COLGALT1: variants seen among roughly 807,000 people sequenced by gnomAD.
COLGALT1 encodes collagen beta(1-O)galactosyltransferase 1, also known as procollagen galactosyltransferase 1.
A neutral mutation model predicts 60.8 loss-of-function variants in COLGALT1; 43 were observed. The ratio of observed to expected loss-of-function variants is 0.71; its 90% CI spans 0.55 to 0.91. The LOEUF (loss-of-function observed/expected upper bound fraction) is 0.91. Ranked by LOEUF, COLGALT1 falls within the 40% of genes least tolerant of loss-of-function variation. The probability of loss-of-function intolerance (pLI) is 0.00; values close to 1 mark genes in which losing one functional copy is unlikely to be tolerated. For synonymous variants in COLGALT1, 369 were observed against 374.2 expected (o/e 0.99, Z 0.16); for missense variants, 845 against 880.0 (o/e 0.96, Z 0.50).
In COLGALT1 at chr19:17,581,695, C is replaced by T. The variant is rs2076383862; in HGVS notation, c.*251C>T. On this transcript the variant is annotated 3_prime_UTR_variant, in exon 12 of 12. Coordinates refer to ENST00000252599, the MANE Select transcript of COLGALT1 (RefSeq NM_024656.4). ...CAAGCCCTCTTCATCTGTTCATGTG[C>T]CCAGCATTTATTAAGCACCTGCTGT... 1.8e-6 allele frequency: 1 copy of T among 555,620 alleles called. No homozygotes were observed. Among genetic ancestry groups the T allele is most frequent in the African/African-American group, 1.9e-5 (1 of 53,210 alleles). The allele number at this position is 555,620 out of a possible 1,614,324, so 34.4% of individuals were successfully genotyped here.
chr19:17,568,269 G>A (rs1334319767), intron 4 of COLGALT1, among the ~76,000 whole-genome samples: 1 of 152,096 alleles, frequency 6.6e-6, no homozygotes, highest in Non-Finnish European at 1.5e-5. Context: ...GCCATTGCTA[G>A]TCTCCTCTCC....
intron 4 of COLGALT1, among the ~76,000 whole-genome samples, chr19:17,568,194 G>A (rs1365351405): frequency 1.3e-5 from 2 of 152,144 alleles, no homozygotes; most frequent in Admixed American, 6.5e-5. Context: ...TCCTTTGGGT[G>A]GGTTCATTCT....
chr19:17,576,239 C>T (rs2076339594), intron 6 of COLGALT1, among the ~76,000 whole-genome samples: 1 of 152,060 alleles, frequency 6.6e-6, no homozygotes, highest in Non-Finnish European at 1.5e-5. Context: ...AGCAAGGATG[C>T]GAGCTTTGGT....
chr19:17,561,591 C>T (rs1409864354), intron 3 of COLGALT1, among the ~76,000 whole-genome samples: 1 of 144,248 alleles, frequency 6.9e-6, no homozygotes, highest in Non-Finnish European at 1.5e-5. Context: ...AAGATCACGC[C>T]ACTGCACTCC....
rs1327923904 is a variant in COLGALT1 at position 17,559,300 on chromosome 19, T to C, written c.261-11T>C. 2 of 1,548,388 alleles carry C rather than the reference T, an allele frequency of 1.3e-6. No individual in the cohort carries two copies. Among genetic ancestry groups the C allele is most frequent in the East Asian group, 4.9e-5 (2 of 40,876 alleles). On this transcript the variant is annotated splice_polypyrimidine_tract_variant and intron_variant, in intron 1 of 11. Coordinates refer to ENST00000252599, the MANE Select transcript of COLGALT1 (RefSeq NM_024656.4). Reference sequence around the variant, plus strand: ...CTCCCCAAGTACGCTGCCTGTCCCCTCTCCCTGCAGGGTGGCTACGGACCA... The same window carrying C: ...CTCCCCAAGTACGCTGCCTGTCCCCCCTCCCTGCAGGGTGGCTACGGACCA...
chr19:17,563,891 TTCTC>T (rs146383998), intron 3 of COLGALT1, among the ~76,000 whole-genome samples: 10,114 of 152,098 alleles, frequency 0.066, 565 homozygotes, highest in Admixed American at 0.19. Context: ...AGGTCCCCCT[TTCTC>T]TCTCTTTTTA....
chr19:17,556,357 A>G (rs1568470631), intron 1 of COLGALT1, among the ~76,000 whole-genome samples: 1 of 152,194 alleles, frequency 6.6e-6, no homozygotes, highest in Admixed American at 6.5e-5. Context: ...TACACCTCCA[A>G]AGGACGGAGC....
chr19:17,577,824 G>T, intron 8 of COLGALT1, 133 bp from the exon 9 acceptor site: 3 of 1,226,234 alleles, frequency 2.4e-6, no homozygotes, highest in Non-Finnish European at 3.4e-6. Context: ...GGCCCCATGT[G>T]CCCGGAAGGG....
At position 17,568,699 on chromosome 19, in the gene COLGALT1, C is replaced by A; in HGVS notation, c.815C>A (p.Ser272Tyr). ...GACGACATCATCGTCTTTGCCTTCT[C>A]CTGCAAGCAGGCAGGTACGTACATG... ...SFDDIIVFAF[S>Y]CKQAEVQMYV... The change falls in exon 5 of 12, where the codon TCC becomes TAC. Residue 272 changes from serine (S) to tyrosine (Y), a missense_variant. Ser to Tyr is a moderately radical substitution (Grantham distance 144, BLOSUM62 -2). Transcript: ENST00000252599. 6.2e-7 allele frequency: 1 copy of A among 1,614,186 alleles called. No individual in the cohort carries two copies. Among genetic ancestry groups the A allele is most frequent in the Non-Finnish European group, 8.5e-7 (1 of 1,180,018 alleles).
chr19:17,581,714 C>G lies in COLGALT1; in HGVS notation c.*270C>G. 1 of 516,222 alleles carries G rather than the reference C, an allele frequency of 1.9e-6. No individual in the cohort carries two copies. The highest frequency in any genetic ancestry group is 3.5e-6 in the Non-Finnish European group (1 of 287,530). 32.0% of individuals were successfully genotyped at this position (516,222 alleles called of 1,614,324 possible). A position where few individuals can be genotyped will look rare whatever the true frequency, so the allele number is the denominator to read the frequency against. On this transcript the variant is annotated 3_prime_UTR_variant, in exon 12 of 12. Coordinates refer to ENST00000252599, the MANE Select transcript of COLGALT1 (RefSeq NM_024656.4). ...CATGTGCCCAGCATTTATTAAGCAC[C>G]TGCTGTATGCAAGGTTCCCATGTTA...
rs745438112 is a variant in COLGALT1 at position 17,578,107 on chromosome 19, G to A, written c.1266+18G>A. On this transcript the variant is annotated intron_variant, in intron 9 of 11. Coordinates refer to ENST00000252599, the MANE Select transcript of COLGALT1 (RefSeq NM_024656.4). ...GGAAGGAGGTGTGTCCTGAGTGATGGGCGGGGCCAGAGTTATGACTCTAGA... is the reference window on the plus strand; with the variant it reads ...GGAAGGAGGTGTGTCCTGAGTGATGAGCGGGGCCAGAGTTATGACTCTAGA... The A allele has an allele frequency of 1.4e-5, 22 of 1,583,576 alleles. No homozygotes were observed. The highest frequency in any genetic ancestry group is 1.9e-5 in the Non-Finnish European group (22 of 1,163,602).
chr19:17,578,861 A>G (rs1568481952), intron 9 of COLGALT1, among the ~76,000 whole-genome samples: 1 of 152,100 alleles, frequency 6.6e-6, no homozygotes. Context: ...AAATACAAAA[A>G]TTATCTGGGT....
At position 17,568,462 on chromosome 19, in the gene COLGALT1, C is replaced by A. The variant is rs199748341; in HGVS notation, c.625-47C>A. On this transcript the variant is annotated intron_variant, in intron 4 of 11. Transcript: ENST00000252599. ...CCGCCCACTATCACGGGTCTCCATC[C>A]TCACCTTTCAAGACCCCTACGCGGA... 3.3e-6 allele frequency: 5 copies of A among 1,512,434 alleles called. No homozygotes were observed. The African/African-American group carries it at 4.1e-5, about 12-fold the overall frequency. The allele number at this position is 1,512,434 out of a possible 1,614,324, so 93.7% of individuals were successfully genotyped here.
chr19:17,580,495 G>A (rs1483697134), intron 10 of COLGALT1: 7 of 598,822 alleles, frequency 1.2e-5, no homozygotes, highest in South Asian at 4.0e-5. Context: ...GCTCCCTCAC[G>A]CCCTTTGGAA....
chr19:17,580,823 C>G lies in COLGALT1; in HGVS notation c.1519C>G (p.Arg507Gly), dbSNP rs183198845. 7 of 1,613,864 alleles carry G rather than the reference C, an allele frequency of 4.3e-6. 1 individual carries two copies. In the South Asian group the frequency reaches 7.7e-5, roughly 18 times the overall value. Reference sequence around the variant, plus strand: ...CTACGTGATCTCCCTGCAAGGCGCCCGCAAACTGCTGGCTGCTGAGCCGCT... The same window carrying G: ...CTACGTGATCTCCCTGCAAGGCGCCGGCAAACTGCTGGCTGCTGAGCCGCT... Reference protein sequence around the residue: ...LAYVISLQGARKLLAAEPLSK... With the variant: ...LAYVISLQGAGKLLAAEPLSK... Residue 507 changes from arginine to glycine, a missense_variant, in exon 11 of 12, where the codon CGC becomes GGC. Transcript: ENST00000252599.
chr19:17,561,380 C>T (rs879888681), intron 3 of COLGALT1, among the ~76,000 whole-genome samples: 3 of 151,560 alleles, frequency 2.0e-5, no homozygotes, highest in African/African-American at 4.8e-5. Flanking sequence ...CGTGCCTGGC[C>T]GTGTCACGTC....
rs8100092 is a variant in COLGALT1 at position 17,581,515 on chromosome 19, T to A, written c.*71T>A. On this transcript the variant is annotated 3_prime_UTR_variant, in exon 12 of 12. Transcript: ENST00000252599. ...CCACGTGCTTACTGAGGACATCAGG[T>A]CCACCTCTGGACCCCTTGGCAGGCC... is the stretch of plus-strand genomic sequence containing the variant. 1.3e-6 allele frequency: 2 copies of A among 1,531,708 alleles called. No individual in the cohort carries two copies. The highest frequency in any genetic ancestry group is 1.4e-5 in the African/African-American group (1 of 73,466). The allele number at this position is 1,531,708 out of a possible 1,614,324, so 94.9% of individuals were successfully genotyped here.
chr19:17,580,541 T>C, intron 10 of COLGALT1, 158 bp from the exon 11 acceptor site: 1 of 688,938 alleles, frequency 1.5e-6, no homozygotes, highest in Non-Finnish European at 2.4e-6. Context: ...GCCAGACCCC[T>C]GGGCTCCTGC....
intron 9 of COLGALT1, among the ~76,000 whole-genome samples, chr19:17,579,145 G>A (rs926923577): frequency 4.6e-5 from 7 of 151,562 alleles, no homozygotes; most frequent in African/African-American, 1.5e-4. Flanking sequence ...TCCAGCCTGG[G>A]CGACAGGGCG....
Sources: gnomAD v4.1 joint callset for allele counts (sites outside exome capture counted in the v4.1 genomes callset) on GRCh38, gnomAD v4.1.1 for gene constraint, MANE v1.5 for transcripts, NCBI Gene and HGNC (gene_info 2026-07-23, HGNC 2026-07-21) for gene names.